The following PRKAG2 variants were observed in gnomAD, a reference collection of about 807,000 sequenced individuals.
PRKAG2 encodes the protein 5'-AMP-activated protein kinase subunit gamma-2.
A neutral mutation model predicts 69.6 loss-of-function variants in PRKAG2; 26 were observed. The ratio of observed to expected loss-of-function variants is 0.37; its 90% CI spans 0.27 to 0.52. The LOEUF (loss-of-function observed/expected upper bound fraction) is 0.52. PRKAG2 is among the 20% of genes least tolerant of loss of function. The pLI, the probability that PRKAG2 is intolerant of heterozygous loss-of-function variation, is 0.90. For missense variants in PRKAG2, 557 were observed against 740.0 expected, an observed-to-expected ratio of 0.75 and a Z score of 2.87; for synonymous variants, 293 against 285.0, an observed-to-expected ratio of 1.03 and a Z score of -0.28.
At chr7:151,706,428 A>C (rs1230726869) in intron 3 of PRKAG2, among the ~76,000 whole-genome samples, 1 of 152,178 alleles carries the variant, frequency 6.6e-6, no homozygotes, top group East Asian at 1.9e-4. Context: ...CTCATCTCCC[A>C]GACTGTGAAA....
chr7:151,714,637 TA>T (rs1431797608), intron 3 of PRKAG2, among the ~76,000 whole-genome samples: 10 of 152,174 alleles, frequency 6.6e-5, no homozygotes, highest in African/African-American at 2.4e-4. Flanking sequence ...AATAAATTGT[TA>T]AACATCTACT....
intron 3 of PRKAG2, among the ~76,000 whole-genome samples, chr7:151,703,533 A>G (rs987620290): frequency 1.3e-5 from 2 of 152,122 alleles, no homozygotes; most frequent in Non-Finnish European, 2.9e-5. Context: ...CATAATATAG[A>G]AAAGTGCACA....
chr7:151,603,077 C>T (rs147552490), intron 5 of PRKAG2, among the ~76,000 whole-genome samples: 1 of 152,254 alleles, frequency 6.6e-6, no homozygotes, highest in Non-Finnish European at 1.5e-5. Flanking sequence ...TCATTCTCAT[C>T]ATCACACGGA....
chr7:151,665,148 T>C (rs556935725), intron 4 of PRKAG2, among the ~76,000 whole-genome samples: 57 of 152,188 alleles, frequency 3.7e-4, no homozygotes, highest in African/African-American at 1.1e-3. Context: ...ATGCACCCCC[T>C]TTTTGCTGGG....
intron 3 of PRKAG2, among the ~76,000 whole-genome samples, chr7:151,722,953 T>C (rs1246116046): frequency 2.6e-5 from 4 of 152,128 alleles, no homozygotes; most frequent in Admixed American, 2.6e-4. Flanking sequence ...CTTAGGTCTC[T>C]GCCTCCCAAA....
chr7:151,794,812 C>G (rs1464372186), intron 1 of PRKAG2, among the ~76,000 whole-genome samples: 2 of 152,264 alleles, frequency 1.3e-5, no homozygotes, highest in Non-Finnish European at 2.9e-5. Flanking sequence ...CTGCCAGAGT[C>G]TCCGGCTCTG....
At chr7:151,813,752 C>G (rs572417606) in intron 1 of PRKAG2, among the ~76,000 whole-genome samples, 119 of 152,280 alleles carry the variant, frequency 7.8e-4, no homozygotes, top group African/African-American at 2.7e-3. Flanking sequence ...TTCCTCTCTC[C>G]CCCACTCCCC....
intron 3 of PRKAG2, among the ~76,000 whole-genome samples, chr7:151,769,639 C>G (rs1294815586): frequency 1.3e-5 from 2 of 152,224 alleles, no homozygotes; most frequent in Non-Finnish European, 2.9e-5. Flanking sequence ...ATTGTGGGAA[C>G]AGGAATCCGG....
chr7:151,590,080 A>G (rs997055000), intron 6 of PRKAG2, among the ~76,000 whole-genome samples: 3 of 152,238 alleles, frequency 2.0e-5, no homozygotes, highest in South Asian at 4.1e-4. Flanking sequence ...AATCCAGGGC[A>G]GGCCATGGCA....
chr7:151,849,790 T>G (rs1046028228), intron 1 of PRKAG2, among the ~76,000 whole-genome samples: 1 of 152,196 alleles, frequency 6.6e-6, no homozygotes, highest in Admixed American at 6.5e-5. Context: ...GCAGTTATGC[T>G]GGATTAAGGG....
chr7:151,725,523 T>G (rs568052347), intron 3 of PRKAG2, among the ~76,000 whole-genome samples: 36 of 151,312 alleles, frequency 2.4e-4, no homozygotes, highest in Non-Finnish European at 4.6e-4. Context: ...ATGGGTACAT[T>G]GGTAAATTTT....
chr7:151,734,635 G>T (rs1041269861), intron 3 of PRKAG2, among the ~76,000 whole-genome samples: 1 of 151,952 alleles, frequency 6.6e-6, no homozygotes, highest in Non-Finnish European at 1.5e-5. Context: ...CTGTAGCCTC[G>T]ACCTCCTGGG....
At position 151,807,100 on chromosome 7, in the gene PRKAG2, G is replaced by C. The variant is rs1174537005; in HGVS notation, c.115-20559C>G. On this transcript the variant is annotated intron_variant, in intron 1 of 15. Coordinates refer to ENST00000287878, the MANE Select transcript of PRKAG2 (RefSeq NM_016203.4). The surrounding 1 kb of genome is among the most constrained non-coding windows in gnomAD (Gnocchi z 4.4). ...TGGGGAAGGGCAGAGGCTGTAAAGG[G>C]TCAGAGGGACCTTGTGGAGTGGTGG... 2.5e-6 allele frequency: 1 copy of C among 400,464 alleles called. No individual in the cohort carries two copies. The highest frequency in any genetic ancestry group is 4.9e-6 in the Non-Finnish European group (1 of 203,380). 24.8% of individuals were successfully genotyped at this position (400,464 alleles called of 1,614,324 possible).
At chr7:151,833,973 A>G (rs541606479) in intron 1 of PRKAG2, among the ~76,000 whole-genome samples, 4 of 152,342 alleles carry the variant, frequency 2.6e-5, no homozygotes, top group Non-Finnish European at 1.5e-5. Flanking sequence ...GGCCCGGCCC[A>G]TGGCGGGGGC....
In PRKAG2 at chr7:151,719,764, G is replaced by C. The variant is rs1280521162; in HGVS notation, c.467-44127C>G. On this transcript the variant is annotated intron_variant, in intron 3 of 15. Coordinates refer to ENST00000287878, the MANE Select transcript of PRKAG2 (RefSeq NM_016203.4). This position sits in a 1 kb window ranked among gnomAD's most constrained non-coding sequence, Gnocchi z 5.2. The stretch of plus-strand genomic sequence containing the variant: ...CTATGTGGGCCTGGCACCCTGATCT[G>C]TTCTCAACAAGAAACTGGAGCCTGC... Among the ~76,000 whole-genome samples, 4 of 149,470 alleles carry C rather than the reference G, an allele frequency of 2.7e-5. No homozygotes were observed. The highest frequency in any genetic ancestry group is 2.0e-4 in the Admixed American group (3 of 14,984).
intron 3 of PRKAG2, among the ~76,000 whole-genome samples, chr7:151,704,727 G>A (rs1015828363): frequency 1.3e-5 from 2 of 152,196 alleles, no homozygotes; most frequent in Non-Finnish European, 2.9e-5. Flanking sequence ...CTGGGCCTGC[G>A]TATCTACTGC....
intron 6 of PRKAG2, among the ~76,000 whole-genome samples, chr7:151,587,471 G>C (rs144807084): frequency 6.6e-6 from 1 of 152,158 alleles, no homozygotes; most frequent in South Asian, 2.1e-4. Context: ...GCATGGAAAG[G>C]AGGAAGAAGA....
chr7:151,659,899 G>A (rs922659937), intron 4 of PRKAG2, among the ~76,000 whole-genome samples: 3 of 152,152 alleles, frequency 2.0e-5, no homozygotes, highest in East Asian at 1.9e-4. Context: ...CGGCTCATGC[G>A]AAATTATTTC....
intron 1 of PRKAG2, among the ~76,000 whole-genome samples, chr7:151,797,476 A>G (rs2077613736): frequency 6.6e-6 from 1 of 152,038 alleles, no homozygotes; most frequent in Admixed American, 6.6e-5. Flanking sequence ...TCTGCTCCCA[A>G]ACAGCTACCC....
Sources: gnomAD v4.1 joint callset for allele counts (sites outside exome capture counted in the v4.1 genomes callset) on GRCh38, gnomAD v4.1.1 for gene constraint, Gnocchi (gnomAD v3.1) non-coding constraint, MANE v1.5 for transcripts, NCBI Gene and HGNC (gene_info 2026-07-23, HGNC 2026-07-21) for gene names.